Variants in PKD1L1 observed in about 807,000 individuals in gnomAD.
PKD1L1 encodes polycystin 1 like 1, transient receptor potential channel interacting.
In PKD1L1, 236 loss-of-function variants were observed where a neutral mutation model predicts 323.4. The ratio of observed to expected loss-of-function variants is 0.73; its 90% CI spans 0.66 to 0.81. PKD1L1 has a LOEUF of 0.81. Among genes scored for constraint, PKD1L1 ranks in the 40% least tolerant of loss-of-function variants. The pLI, the probability that PKD1L1 is intolerant of heterozygous loss-of-function variation, is 0.00. For missense variants in PKD1L1, 3,320 were observed against 3,508.0 expected, an observed-to-expected ratio of 0.95 and a Z score of 1.35; for synonymous variants, 1,344 against 1,335.0, an observed-to-expected ratio of 1.01 and a Z score of -0.15.
upstream of PKD1L1, among the ~76,000 whole-genome samples, chr7:47,952,905 G>A (rs148503229): frequency 3.2e-3 from 489 of 152,222 alleles, 2 homozygotes; most frequent in African/African-American, 0.011. Flanking sequence ...GTAGTTTTCC[G>A]TGCTTTCCAT....
rs139744214 is a variant in PKD1L1, at chr7:47,837,071, C to T, written c.5793G>A (p.Glu1931=). The T allele has an allele frequency of 2.5e-4, 398 of 1,614,048 alleles. No homozygotes were observed. Among genetic ancestry groups the T allele is most frequent in the Non-Finnish European group, 3.2e-4 (375 of 1,180,022 alleles). ...GCCAGACATGGAAATCCTCCAGGTACTCTGTGAACTTGCAATAGAAAAGCT... is the reference window on the plus strand; with the variant it reads ...GCCAGACATGGAAATCCTCCAGGTATTCTGTGAACTTGCAATAGAAAAGCT... ...FRKLFYCKFT[E]YLEDFHVWLS... Residue 1931 remains glutamate, a synonymous_variant, in exon 37 of 57, where the codon GAG becomes GAA. Coordinates refer to ENST00000289672, the MANE Select transcript of PKD1L1 (RefSeq NM_138295.5).
chr7:47,900,094 C>T (rs1024162156), intron 13 of PKD1L1, among the ~76,000 whole-genome samples: 2 of 152,088 alleles, frequency 1.3e-5, no homozygotes, highest in East Asian at 1.9e-4. Context: ...AAATTACTTT[C>T]CAATTACTTT....
At chr7:47,960,232 CG>C in the PKD1L1 span, among the ~76,000 whole-genome samples, 8 of 149,744 alleles carry the variant, frequency 5.3e-5, no homozygotes, top group African/African-American at 2.0e-4. Flanking sequence ...ACAAACACTG[CG>C]GAAGGCCGCA....
intron 13 of PKD1L1, among the ~76,000 whole-genome samples, chr7:47,901,976 A>G (rs1562981425): frequency 6.6e-6 from 1 of 151,920 alleles, no homozygotes; most frequent in Non-Finnish European, 1.5e-5. Context: ...CAAATGTTTC[A>G]TTCTCCTGAA....
At chr7:47,790,507 A>G (rs1277701361) in intron 56 of PKD1L1, among the ~76,000 whole-genome samples, 1 of 150,904 alleles carries the variant, frequency 6.6e-6, no homozygotes. Flanking sequence ...ATTTTTTTGT[A>G]TTTTTAGTAG....
Position 47,921,302 on chromosome 7 carries a change from C to A in PKD1L1, c.1061-5703G>T, listed in dbSNP as rs149958322. Among the ~76,000 whole-genome samples the A allele has an allele frequency of 6.9e-4, 100 of 144,776 alleles. 1 individual carries two copies. The highest frequency in any genetic ancestry group is 7.0e-3 in the Middle Eastern group (2 of 284). 95.0% of individuals were successfully genotyped at this position (144,776 alleles called of 152,430 possible). On this transcript the variant is annotated intron_variant, in intron 7 of 56. Coordinates refer to ENST00000289672, the MANE Select transcript of PKD1L1 (RefSeq NM_138295.5). ...AAACATATGAAAATGCTCAACATCACTAATGATCAGGGAAATGCAAATCAA... is the reference window on the plus strand; with the variant it reads ...AAACATATGAAAATGCTCAACATCAATAATGATCAGGGAAATGCAAATCAA...
intron 50 of PKD1L1, 88 bp from the exon 51 acceptor site, chr7:47,809,665 C>T: frequency 1.1e-6 from 1 of 933,344 alleles, no homozygotes; most frequent in Non-Finnish European, 1.6e-6. Flanking sequence ...AGCTCCCCTG[C>T]CAATCACCTT....
At chr7:47,817,509 G>T (rs911946153) in intron 46 of PKD1L1, among the ~76,000 whole-genome samples, 9 of 152,176 alleles carry the variant, frequency 5.9e-5, no homozygotes, top group Non-Finnish European at 1.3e-4. Context: ...TGTCACTAGT[G>T]TATAGAGTAA....
Position 47,866,569 on chromosome 7 carries a change from C to A in PKD1L1, c.3942G>T (p.Gly1314=), listed in dbSNP as rs776263468. The A allele has an allele frequency of 5.6e-6, 9 of 1,611,524 alleles. No homozygotes were observed. In the African/African-American group the frequency reaches 8.0e-5, roughly 14 times the overall value. The change falls in exon 25 of 57, where the codon GGG becomes GGT. Residue 1314 remains glycine (G), a synonymous_variant. Coordinates refer to ENST00000289672, the MANE Select transcript of PKD1L1 (RefSeq NM_138295.5). ...LKNLSTLQLM[G]SYTEIRNYIT... ...TGTAGTTCCTGATTTCTGTGTAACT[C>A]CCCATCAGCTGGAGGGTAGAAAGGT...
chr7:47,793,461 C>T (rs1451092294), intron 55 of PKD1L1, among the ~76,000 whole-genome samples: 1 of 152,188 alleles, frequency 6.6e-6, no homozygotes, highest in East Asian at 1.9e-4. Context: ...GGTGTTTCCG[C>T]TTTTGCATCT....
Position 47,898,169 on chromosome 7 carries a change from A to G in PKD1L1, c.2090T>C (p.Leu697Pro), listed in dbSNP as rs751043625. Residue 697 changes from leucine to proline, a missense_variant, in exon 14 of 57, where the codon CTG becomes CCG. By Grantham distance (98) the Leu-to-Pro change is moderately conservative (BLOSUM62 -3). Coordinates refer to ENST00000289672, the MANE Select transcript of PKD1L1 (RefSeq NM_138295.5). ...VQIWRSQPVR[L>P]GVTFEAAVFC... Reference sequence around the variant, plus strand: ...GACTGCAGCTTCAAACGTCACTCCCAGCCTCACAGGCTGAGACCTCCATAT... The same window carrying G: ...GACTGCAGCTTCAAACGTCACTCCCGGCCTCACAGGCTGAGACCTCCATAT... The G allele has an allele frequency of 1.9e-6, 3 of 1,614,170 alleles. No individual in the cohort carries two copies. The highest frequency in any genetic ancestry group is 2.5e-6 in the Non-Finnish European group (3 of 1,180,014).
intron 19 of PKD1L1, among the ~76,000 whole-genome samples, chr7:47,883,670 T>C (rs566869188): frequency 3.3e-5 from 5 of 152,080 alleles, no homozygotes; most frequent in African/African-American, 4.8e-5. Context: ...GGAAGGAACA[T>C]GGGAAGGGCT....
At chr7:47,880,269 T>G (rs201761435) in intron 21 of PKD1L1, among the ~76,000 whole-genome samples, 9 of 76,702 alleles carry the variant, frequency 1.2e-4, no homozygotes, top group African/African-American at 5.2e-4. Context: ...TATATACATA[T>G]ATATATATAT....
At chr7:47,811,289 G>C (rs1784888604) in intron 50 of PKD1L1, among the ~76,000 whole-genome samples, 1 of 152,016 alleles carries the variant, frequency 6.6e-6, no homozygotes. Context: ...CAAGTAGTTG[G>C]GATTACAGGT....
rs1562950219 is a variant in PKD1L1, at chr7:47,830,152, G to A, written c.6474-28C>T. 5.0e-6 allele frequency: 8 copies of A among 1,602,520 alleles called. No individual in the cohort carries two copies. In the South Asian group the frequency reaches 8.8e-5, roughly 18 times the overall value. On this transcript the variant is annotated intron_variant, in intron 42 of 56. Transcript: ENST00000289672. ...GCCCCCAGGGAAAGTGCAGTGGTCA[G>A]CCCCCTCTAAGGGAGCAGGCCACCC...
At chr7:47,832,506 G>C (rs1465121133) in intron 41 of PKD1L1, among the ~76,000 whole-genome samples, 1 of 152,224 alleles carries the variant, frequency 6.6e-6, no homozygotes, top group African/African-American at 2.4e-5. Context: ...CAGTCACTGT[G>C]AACAAGCACC....
In PKD1L1 at chr7:47,885,922, C is replaced by T. The variant is rs141646493; in HGVS notation, c.2969G>A (p.Arg990Gln). 9,826 of 1,614,078 alleles carry T rather than the reference C, an allele frequency of 6.1e-3. 43 individuals carry two copies. The highest frequency in any genetic ancestry group is 7.6e-3 in the Non-Finnish European group (8,973 of 1,180,018). Residue 990 changes from arginine to glutamine, a missense_variant, in exon 18 of 57, where the codon CGG becomes CAG. Coordinates refer to ENST00000289672, the MANE Select transcript of PKD1L1 (RefSeq NM_138295.5). ...DPDATTTPFS[R>Q]EPSPVTLGQP... Reference sequence around the variant, plus strand: ...GCCAAGGGTCACGGGTGAAGGTTCCCGTGAGAATGGTGTGGTCGTTGCATC... The same window carrying T: ...GCCAAGGGTCACGGGTGAAGGTTCCTGTGAGAATGGTGTGGTCGTTGCATC...
intron 5 of PKD1L1, among the ~76,000 whole-genome samples, chr7:47,931,634 T>C (rs190757886): frequency 1.1e-4 from 17 of 152,334 alleles, no homozygotes; most frequent in African/African-American, 3.1e-4. Flanking sequence ...GCTAAGCCAA[T>C]AGAAAATTAG....
intron 7 of PKD1L1, among the ~76,000 whole-genome samples, chr7:47,922,672 C>A (rs1394787756): frequency 6.6e-6 from 1 of 151,782 alleles, no homozygotes. Flanking sequence ...CCCCTCCGCC[C>A]GGCAGCTGCC....
Sources: gnomAD v4.1 joint callset for allele counts (sites outside exome capture counted in the v4.1 genomes callset) on GRCh38, gnomAD v4.1.1 for gene constraint, MANE v1.5 for transcripts, NCBI Gene and HGNC (gene_info 2026-07-23, HGNC 2026-07-21) for gene names.